Variants in MYO3A observed in about 807,000 individuals in gnomAD.
MYO3A encodes myosin IIIA, also known as myosin-IIIa.
MYO3A carries 180 observed loss-of-function variants against 192.7 expected under a neutral mutation model. That is an observed-to-expected ratio of 0.93 (90% CI 0.83 to 1.06). MYO3A has a LOEUF of 1.06. Ranked by LOEUF, MYO3A falls within the 50% of genes least tolerant of loss-of-function variation. MYO3A has a pLI of 0.00. For synonymous variants in MYO3A, 628 were observed against 645.3 expected (o/e 0.97, Z 0.41); for missense variants, 1,896 against 1,905.0 (o/e 1.00, Z 0.09).
At position 26,193,702 on chromosome 10, in the gene MYO3A, G is replaced by A. The variant is rs187305830; in HGVS notation, c.4545+391G>A. ...AAAGGAAAGAAGAGGGGAAACAGAC[G>A]TTTATTAAGCATCTTTTAAATTCCA... On this transcript the variant is annotated intron_variant, in intron 32 of 34. Coordinates refer to ENST00000642920, the MANE Select transcript of MYO3A (RefSeq NM_017433.5). Among the ~76,000 whole-genome samples the A allele has an allele frequency of 2.1e-4, 32 of 152,276 alleles. No individual in the cohort carries two copies. In the East Asian group the frequency reaches 4.6e-3, roughly 22 times the overall value.
At chr10:26,153,058 C>T (rs534736521) in intron 23 of MYO3A, among the ~76,000 whole-genome samples, 7 of 152,322 alleles carry the variant, frequency 4.6e-5, no homozygotes, top group Admixed American at 3.9e-4. Context: ...ATATTTTGCA[C>T]ATTACTATTA....
At chr10:26,039,207 A>ATATTTTTTTTT (rs1843199603) in intron 10 of MYO3A, among the ~76,000 whole-genome samples, 1 of 106,856 alleles carries the variant, frequency 9.4e-6, no homozygotes, top group African/African-American at 3.9e-5. Context: ...GGCTCGGCTA[A>ATATTTTTTTTT]TTTTTTTTTT....
At chr10:26,072,830 T>A (rs1382536398) in intron 14 of MYO3A, among the ~76,000 whole-genome samples, 2 of 152,176 alleles carry the variant, frequency 1.3e-5, no homozygotes, top group Non-Finnish European at 1.5e-5. Flanking sequence ...TAAGCTCCAC[T>A]TACCATACAA....
intron 15 of MYO3A, among the ~76,000 whole-genome samples, 161 bp from the exon 16 acceptor site, chr10:26,096,220 G>A (rs1247495025): frequency 6.6e-6 from 1 of 152,108 alleles, no homozygotes; most frequent in Non-Finnish European, 1.5e-5. Flanking sequence ...AGTGGTTGTT[G>A]AAAATAATGA....
At chr10:26,012,506 A>G (rs550592069) in intron 6 of MYO3A, among the ~76,000 whole-genome samples, 7 of 152,232 alleles carry the variant, frequency 4.6e-5, no homozygotes, top group African/African-American at 1.4e-4. Flanking sequence ...CAAACAAAAT[A>G]AAAATACTCA....
chr10:26,044,502 T>C (rs554297307), intron 10 of MYO3A, among the ~76,000 whole-genome samples: 8 of 152,366 alleles, frequency 5.3e-5, no homozygotes, highest in African/African-American at 1.4e-4. Context: ...TAAATACTCC[T>C]TCTTTGGGTG....
chr10:26,064,218 A>G (rs1056499634), intron 10 of MYO3A, among the ~76,000 whole-genome samples: 4 of 152,182 alleles, frequency 2.6e-5, no homozygotes, highest in African/African-American at 9.7e-5. Flanking sequence ...TCTGATTAAT[A>G]TAATATTGAA....
intron 4 of MYO3A, among the ~76,000 whole-genome samples, chr10:25,982,171 A>C (rs891682758): frequency 2.0e-5 from 3 of 152,010 alleles, no homozygotes; most frequent in Non-Finnish European, 2.9e-5. Context: ...GGCAGACATA[A>C]TCTCCCTGGG....
At chr10:25,973,312 G>C (rs1838772228) in intron 4 of MYO3A, among the ~76,000 whole-genome samples, 2 of 152,084 alleles carry the variant, frequency 1.3e-5, no homozygotes, top group South Asian at 4.1e-4. Flanking sequence ...GAATGCTTGT[G>C]ATTTTTGCAC....
intron 14 of MYO3A, among the ~76,000 whole-genome samples, chr10:26,084,303 G>T (rs1244344410): frequency 6.6e-6 from 1 of 152,144 alleles, no homozygotes; most frequent in African/African-American, 2.4e-5. Context: ...GCTTGGACAT[G>T]ATGTATAATC....
intron 4 of MYO3A, among the ~76,000 whole-genome samples, chr10:25,994,000 G>A (rs1840251515): frequency 6.6e-6 from 1 of 152,212 alleles, no homozygotes; most frequent in African/African-American, 2.4e-5. Context: ...TTGATTTGGG[G>A]TAGAGAGTTC....
At chr10:26,053,334 G>A (rs1004359579) in intron 10 of MYO3A, among the ~76,000 whole-genome samples, 1 of 152,108 alleles carries the variant, frequency 6.6e-6, no homozygotes, top group African/African-American at 2.4e-5. Flanking sequence ...TTTAGTAAAG[G>A]CAAACTATTC....
chr10:26,118,139 TC>T (rs570336468), intron 17 of MYO3A, among the ~76,000 whole-genome samples: 199 of 152,284 alleles, frequency 1.3e-3, no homozygotes, highest in African/African-American at 4.6e-3. Flanking sequence ...ATGTATGTCT[TC>T]TTTTGAGAAG....
intron 9 of MYO3A, among the ~76,000 whole-genome samples, chr10:26,026,091 G>A (rs1842525931): frequency 6.6e-6 from 1 of 152,216 alleles, no homozygotes. Flanking sequence ...TTATCACTAT[G>A]CAATAATCCT....
chr10:25,962,192 C>G (rs1837976078), intron 4 of MYO3A, among the ~76,000 whole-genome samples: 2 of 152,120 alleles, frequency 1.3e-5, no homozygotes, highest in Admixed American at 6.6e-5. Flanking sequence ...TCTCTAGTTA[C>G]AATTTTAAAA....
chr10:26,067,751 G>A (rs34967200), intron 11 of MYO3A, among the ~76,000 whole-genome samples: 72,136 of 151,900 alleles, frequency 0.47, 17,927 homozygotes, highest in Middle Eastern at 0.59. Context: ...ACCCTTCTTT[G>A]TTCCACGTAG....
intron 4 of MYO3A, among the ~76,000 whole-genome samples, chr10:25,987,468 G>A (rs906957714): frequency 2.0e-5 from 3 of 152,118 alleles, no homozygotes; most frequent in East Asian, 1.9e-4. Flanking sequence ...TATATCTGAC[G>A]AAGAACTAAT....
chr10:26,096,696 A>G lies in MYO3A; in HGVS notation c.1776+14A>G. 6.7e-7 allele frequency: 1 copy of G among 1,489,530 alleles called. No individual in the cohort carries two copies. Among genetic ancestry groups the G allele is most frequent in the Non-Finnish European group, 9.4e-7 (1 of 1,066,784 alleles). 92.3% of individuals were successfully genotyped at this position (1,489,530 alleles called of 1,614,324 possible). A position where few individuals can be genotyped will look rare whatever the true frequency, so the allele number is the denominator to read the frequency against. On this transcript the variant is annotated intron_variant, in intron 17 of 34. Transcript: ENST00000642920. ...TTTACAATGGAGGTAAGTATGAAAG[A>G]CACTTGAACTTCTTTAGAAAGTATC...
At chr10:26,067,176 T>A in intron 11 of MYO3A, 102 bp downstream of exon 11, 1 of 780,362 alleles carries the variant, frequency 1.3e-6, no homozygotes, top group Admixed American at 2.0e-5. Flanking sequence ...TAGATTATGA[T>A]GGTTATTAAG....
Sources: allele counts gnomAD v4.1 joint callset (sites outside exome capture counted in the v4.1 genomes callset), GRCh38; gene constraint gnomAD v4.1.1; transcripts MANE v1.5; gene names NCBI Gene and HGNC (gene_info 2026-07-23, HGNC 2026-07-21).